Variants in DUSP8 observed in about 807,000 individuals in gnomAD.
DUSP8 encodes dual specificity protein phosphatase 8.
DUSP8 carries 15 observed loss-of-function variants against 38.7 expected under a neutral mutation model. The ratio of observed to expected loss-of-function variants is 0.39; its 90% confidence interval spans 0.26 to 0.60. DUSP8 has a LOEUF of 0.60. Among genes scored for constraint, DUSP8 ranks in the 20% least tolerant of loss-of-function variants. The pLI, the probability that DUSP8 is intolerant of heterozygous loss-of-function variation, is 0.56. For missense variants in DUSP8, 768 were observed against 915.0 expected, an observed-to-expected ratio of 0.84 and a Z score of 2.07; for synonymous variants, 458 against 433.9, an observed-to-expected ratio of 1.06 and a Z score of -0.69.
At chr11:1,572,278 C>T (rs1848917599), upstream of DUSP8, among the ~76,000 whole-genome samples, 1 of 148,994 alleles carries the variant, frequency 6.7e-6, no homozygotes, top group Non-Finnish European at 1.5e-5. This position sits in a 1 kb window ranked among gnomAD's most constrained non-coding sequence, Gnocchi z 4.7. Context: ...GAGTGACAGG[C>T]CCGGGGCGGA....
In DUSP8 at chr11:1,565,721, C is replaced by T. The variant is rs777772515; in HGVS notation, c.106G>A (p.Val36Met). ...GPLVIDSRSF[V>M]EYNSWHVLSS... The stretch of plus-strand genomic sequence containing the variant: ...AGCACATGCCAGCTGTTGTACTCCA[C>T]GAAGGAGCGGCTGTCGATGACCAGC... Residue 36 changes from valine (V) to methionine (M), a missense_variant, in exon 2 of 7, where the codon GTG becomes ATG. Transcript: ENST00000397374. 2.7e-5 allele frequency: 43 copies of T among 1,611,934 alleles called. No homozygotes were observed. The highest frequency in any genetic ancestry group is 3.3e-5 in the South Asian group (3 of 91,042).
chr11:1,567,400 G>A (rs759404926), intron 1 of DUSP8, among the ~76,000 whole-genome samples: 1 of 152,226 alleles, frequency 6.6e-6, no homozygotes, highest in African/African-American at 2.4e-5. Context: ...CAGCTCCCAG[G>A]CCGGCGGGGG....
chr11:1,556,596 G>A lies in DUSP8; in HGVS notation c.1800C>T (p.Arg600=). Residue 600 remains arginine (R), a synonymous_variant, in exon 7 of 7, where the codon CGC becomes CGT. Transcript: ENST00000397374. The surrounding 1 kb of genome is among the most constrained non-coding windows in gnomAD (Gnocchi z 5.2). ...GGGCGGCCAGCTCCTCGCCGCGCGC[G>A]CGCCCCTCCACCATGCCCTCCTCGA... ...MEFEEGMVEG[R]ARGEELAALG... The A allele has an allele frequency of 7.0e-7, 1 of 1,436,704 alleles. No individual in the cohort carries two copies. Among genetic ancestry groups the A allele is most frequent in the Non-Finnish European group, 9.1e-7 (1 of 1,095,794 alleles). 89.0% of individuals were successfully genotyped at this position (1,436,704 alleles called of 1,614,324 possible).
At chr11:1,572,430 G>GC (rs1848920983), upstream of DUSP8, among the ~76,000 whole-genome samples, 1 of 114,132 alleles carries the variant, frequency 8.8e-6, no homozygotes, top group Non-Finnish European at 2.0e-5. This position sits in a 1 kb window ranked among gnomAD's most constrained non-coding sequence, Gnocchi z 4.7. Flanking sequence ...CGGCTGCCGC[G>GC]GGGGGGGGGC....
chr11:1,559,368 C>G, intron 3 of DUSP8: 1 of 285,882 alleles, frequency 3.5e-6, no homozygotes, highest in Non-Finnish European at 6.5e-6. Context: ...CTGGCCATCA[C>G]GGCACGCGCT....
At chr11:1,560,343 G>C (rs765795598) in intron 3 of DUSP8, among the ~76,000 whole-genome samples, 1 of 152,110 alleles carries the variant, frequency 6.6e-6, no homozygotes, top group Non-Finnish European at 1.5e-5. Flanking sequence ...TGCCTGCCCC[G>C]CGTGCCCCCA....
rs151020782 is a variant in DUSP8 at position 1,557,996 on chromosome 11, C to T, written c.698-79G>A. 19 of 1,610,034 alleles carry T rather than the reference C, an allele frequency of 1.2e-5. No homozygotes were observed. Among genetic ancestry groups the T allele is most frequent in the East Asian group, 2.2e-5 (1 of 44,822 alleles). ...CCTGGCCCAGGTAGGGGACCCCACC[C>T]GCCCAACTGCCAACAGTTCCGGCTA... On this transcript the variant is annotated intron_variant, in intron 5 of 6. Transcript: ENST00000397374. This position sits in a 1 kb window ranked among gnomAD's most constrained non-coding sequence, Gnocchi z 9.9.
rs1301886921 is a variant in DUSP8 at position 1,572,118 on chromosome 11, G to T, written c.-326C>A. Among the ~76,000 whole-genome samples the T allele has an allele frequency of 6.9e-6, 1 of 145,572 alleles. No individual in the cohort carries two copies. The highest frequency in any genetic ancestry group is 1.5e-5 in the Non-Finnish European group (1 of 65,630). Reference sequence around the variant, plus strand: ...GCGCGCACTGCGGGCGGGCACGCGCGCTCGCGGCGCGCATCCCAGCCCCGC... The same window carrying T: ...GCGCGCACTGCGGGCGGGCACGCGCTCTCGCGGCGCGCATCCCAGCCCCGC... On this transcript the variant is annotated 5_prime_UTR_variant, in exon 1 of 7. Coordinates refer to ENST00000397374, the MANE Select transcript of DUSP8 (RefSeq NM_004420.3). This position sits in a 1 kb window ranked among gnomAD's most constrained non-coding sequence, Gnocchi z 4.7.
Position 1,556,039 on chromosome 11 carries a change from T to C in DUSP8, c.*479A>G, listed in dbSNP as rs1848616274. ...CTGCTCCTCCATCCTATGGCTTTGG[T>C]GCAGAGCCCTAGGCCGGCGCAGAGA... On this transcript the variant is annotated 3_prime_UTR_variant, in exon 7 of 7. Transcript: ENST00000397374. The surrounding 1 kb of genome is among the most constrained non-coding windows in gnomAD (Gnocchi z 5.2). The C allele has an allele frequency of 6.7e-6, 1 of 149,650 alleles. No individual in the cohort carries two copies. 9.3% of individuals were successfully genotyped at this position (149,650 alleles called of 1,614,324 possible). A position where few individuals can be genotyped will look rare whatever the true frequency, so the allele number is the denominator to read the frequency against.
chr11:1,557,028 C>T lies in DUSP8; in HGVS notation c.1368G>A (p.Arg456=), dbSNP rs1168581231. 9.5e-7 allele frequency: 1 copy of T among 1,052,500 alleles called. No homozygotes were observed. The allele number at this position is 1,052,500 out of a possible 1,614,324, so 65.2% of individuals were successfully genotyped here. The change falls in exon 7 of 7, where the codon CGG becomes CGA. Residue 456 remains arginine, a synonymous_variant. Transcript: ENST00000397374. This position sits in a 1 kb window ranked among gnomAD's most constrained non-coding sequence, Gnocchi z 9.9. Reference sequence around the variant, plus strand: ...CGGGGGAGCCGGCGGGGGGCCGGGGCCGCCGGCGGGGCCGTGGGCGCGCCT... The same window carrying T: ...CGGGGGAGCCGGCGGGGGGCCGGGGTCGCCGGCGGGGCCGTGGGCGCGCCT... ...APEARPRPRR[R]PRPPAGSPAR... is the part of the protein sequence containing the mutation.
Position 1,554,592 on chromosome 11 carries a change from G to A in DUSP8, c.*1926C>T. 1.0e-6 allele frequency: 1 copy of A among 979,076 alleles called. No individual in the cohort carries two copies. The highest frequency in any genetic ancestry group is 4.7e-5 in the South Asian group (1 of 21,200). 60.6% of individuals were successfully genotyped at this position (979,076 alleles called of 1,614,324 possible). On this transcript the variant is annotated 3_prime_UTR_variant, in exon 7 of 7. Coordinates refer to ENST00000397374, the MANE Select transcript of DUSP8 (RefSeq NM_004420.3). ...AAGAGTGGGAGCAGAGACAGACTGA[G>A]ACAGACAGCCCCCCTCAACGGCCTG...
chr11:1,559,002 C>A lies in DUSP8; in HGVS notation c.424G>T (p.Ala142Ser), dbSNP rs754542878. Residue 142 changes from alanine to serine, a missense_variant, in exon 4 of 7, where the codon GCT (alanine) becomes TCT (serine). Physicochemically the swap from Ala to Ser is moderately conservative, Grantham distance 99. Transcript: ENST00000397374. ...CFPGLCEGKPAALLPMSLSQP... is the reference protein window; with the variant it reads ...CFPGLCEGKPSALLPMSLSQP... ...GAGAGGCTCATGGGTAGCAGGGCAG[C>A]AGGCTTGCCCTCGCAGAGGCCGGGG... The A allele has an allele frequency of 6.2e-7, 1 of 1,610,814 alleles. No individual in the cohort carries two copies. The highest frequency in any genetic ancestry group is 8.5e-7 in the Non-Finnish European group (1 of 1,179,388).
At chr11:1,565,116 G>A (rs888468947) in intron 2 of DUSP8, among the ~76,000 whole-genome samples, 1 of 152,192 alleles carries the variant, frequency 6.6e-6, no homozygotes, top group Non-Finnish European at 1.5e-5. Context: ...CTGTGGGACG[G>A]GGACATGGAC....
intron 1 of DUSP8, among the ~76,000 whole-genome samples, chr11:1,568,911 T>C (rs1848846885): frequency 6.6e-6 from 1 of 152,194 alleles, no homozygotes; most frequent in Non-Finnish European, 1.5e-5. Context: ...GGGGGACATG[T>C]TCCTCACCTC....
In DUSP8 at chr11:1,572,248, C is replaced by G. The variant is rs1848916705; in HGVS notation, c.-456G>C. ...CGGGGCGTCGTGGGGGGAGCCGGCTCGGCCGCCGCGCTCGGCCGCGAGTGA... is the reference window on the plus strand; with the variant it reads ...CGGGGCGTCGTGGGGGGAGCCGGCTGGGCCGCCGCGCTCGGCCGCGAGTGA... On this transcript the variant is annotated 5_prime_UTR_variant, in exon 1 of 7. Transcript: ENST00000397374. The surrounding 1 kb of genome is among the most constrained non-coding windows in gnomAD (Gnocchi z 4.7). 6.8e-6 allele frequency among the ~76,000 whole-genome samples: 1 copy of G among 147,412 alleles called. No individual in the cohort carries two copies. Among genetic ancestry groups the G allele is most frequent in the African/African-American group, 2.5e-5 (1 of 40,670 alleles).
intron 1 of DUSP8, among the ~76,000 whole-genome samples, chr11:1,568,215 T>C (rs1237117170): frequency 6.6e-6 from 1 of 152,004 alleles, no homozygotes; most frequent in Non-Finnish European, 1.5e-5. Context: ...AGGGCAGGTG[T>C]GAGGAGAGGC....
rs1324573347 is a variant in DUSP8, at chr11:1,554,073, A to G, written c.*2445T>C. 6.6e-6 allele frequency: 1 copy of G among 152,394 alleles called. No individual in the cohort carries two copies. The highest frequency in any genetic ancestry group is 2.4e-5 in the African/African-American group (1 of 41,434). 9.4% of individuals were successfully genotyped at this position (152,394 alleles called of 1,614,324 possible). A position where few individuals can be genotyped will look rare whatever the true frequency, so the allele number is the denominator to read the frequency against. On this transcript the variant is annotated 3_prime_UTR_variant, in exon 7 of 7. Coordinates refer to ENST00000397374, the MANE Select transcript of DUSP8 (RefSeq NM_004420.3). ...GGGGAAAACATCCACTTTAAGCTTT[A>G]TTACAACACATTGTCTCCAAATACA...
chr11:1,557,223 C>A lies in DUSP8; in HGVS notation c.1173G>T (p.Lys391Asn). ...SDRLQDTNRLKRSFSLDIKSA... is the reference protein window; with the variant it reads ...SDRLQDTNRLNRSFSLDIKSA... The stretch of plus-strand genomic sequence containing the variant: ...ACTTGATGTCCAGGGAGAAGGAGCG[C>A]TTGAGGCGGTTAGTGTCCTGCAGGC... Residue 391 changes from lysine to asparagine, a missense_variant, in exon 7 of 7, where the codon AAG becomes AAT. Coordinates refer to ENST00000397374, the MANE Select transcript of DUSP8 (RefSeq NM_004420.3). The surrounding 1 kb of genome is among the most constrained non-coding windows in gnomAD (Gnocchi z 9.9). 1 of 1,497,220 alleles carries A rather than the reference C, an allele frequency of 6.7e-7. No individual in the cohort carries two copies. Among genetic ancestry groups the A allele is most frequent in the Non-Finnish European group, 8.9e-7 (1 of 1,125,304 alleles). The allele number at this position is 1,497,220 out of a possible 1,614,324, so 92.7% of individuals were successfully genotyped here. A position where few individuals can be genotyped will look rare whatever the true frequency, so the allele number is the denominator to read the frequency against.
chr11:1,558,742 G>C lies in DUSP8; in HGVS notation c.537+147C>G. ...TGGGTGGGGAGCCTGGGGTCCTCCT[G>C]GGCCCCCACCCATGCTTCTCCCACA... On this transcript the variant is annotated intron_variant, in intron 4 of 6. Coordinates refer to ENST00000397374, the MANE Select transcript of DUSP8 (RefSeq NM_004420.3). This position sits in a 1 kb window ranked among gnomAD's most constrained non-coding sequence, Gnocchi z 6.3. 1.0e-6 allele frequency: 1 copy of C among 996,376 alleles called. No homozygotes were observed. Among genetic ancestry groups the C allele is most frequent in the Non-Finnish European group, 1.4e-6 (1 of 690,038 alleles). 61.7% of individuals were successfully genotyped at this position (996,376 alleles called of 1,614,324 possible). A position where few individuals can be genotyped will look rare whatever the true frequency, so the allele number is the denominator to read the frequency against.
Sources: gnomAD v4.1 joint callset for allele counts (sites outside exome capture counted in the v4.1 genomes callset) on GRCh38, gnomAD v4.1.1 for gene constraint, Gnocchi (gnomAD v3.1) non-coding constraint, MANE v1.5 for transcripts, NCBI Gene and HGNC (gene_info 2026-07-23, HGNC 2026-07-21) for gene names.